MARF1: variants seen among roughly 807,000 people sequenced by gnomAD.
The protein encoded by MARF1 is meiosis regulator and mRNA stability factor 1.
MARF1 carries 24 observed loss-of-function variants against 168.2 expected under a neutral mutation model. That is an observed-to-expected ratio of 0.14 (90% CI 0.10 to 0.20). The LOEUF (loss-of-function observed/expected upper bound fraction) is 0.20, where lower values mean the gene tolerates loss of function less well. Among genes scored for constraint, MARF1 ranks in the 10% least tolerant of loss-of-function variants. The probability of loss-of-function intolerance (pLI) is 1.00; values close to 1 mark genes in which losing one functional copy is unlikely to be tolerated. For synonymous variants in MARF1, 868 were observed against 822.4 expected (o/e 1.06, Z -0.95); for missense variants, 1,744 against 2,143.6 (o/e 0.81, Z 3.68).
intron 21 of MARF1, 31 bp downstream of exon 21, chr16:15,608,260 G>GGAA: frequency 1.2e-6 from 1 of 829,562 alleles, no homozygotes; most frequent in Non-Finnish European, 1.8e-6. Context: ...TCCCATGAGG[G>GGAA]AAAAAAAAAA....
At chr16:15,606,128 G>T (rs996112145) in intron 21 of MARF1, 6 of 152,376 alleles carry the variant, frequency 3.9e-5, no homozygotes, top group African/African-American at 1.4e-4. Flanking sequence ...TGGAGCTGCT[G>T]TTGGGGTGGG....
At position 15,634,920 on chromosome 16, in the gene MARF1, A is replaced by G; in HGVS notation, c.843T>C (p.Asn281=). The part of the protein sequence containing the change: ...CEDCLNKPAR[N]SIIDAAKVWP... ...AGACTTTAGCCGCATCGATTATGCTATTTCTTGCTGGCTGTTTTAAATTTT... is the reference window on the plus strand; with the variant it reads ...AGACTTTAGCCGCATCGATTATGCTGTTTCTTGCTGGCTGTTTTAAATTTT... The change falls in exon 4 of 27, where the codon AAT becomes AAC. Residue 281 remains asparagine (N), a synonymous_variant. Coordinates refer to ENST00000396368, the MANE Select transcript of MARF1 (RefSeq NM_014647.4). 6.2e-7 allele frequency: 1 copy of G among 1,610,940 alleles called. No homozygotes were observed. Among genetic ancestry groups the G allele is most frequent in the Non-Finnish European group, 8.5e-7 (1 of 1,178,954 alleles).
intron 21 of MARF1, 31 bp downstream of exon 21, chr16:15,608,260 G>GAAAAAA (rs748965777): frequency 2.3e-5 from 19 of 832,230 alleles, no homozygotes; most frequent in South Asian, 5.1e-5. Context: ...TCCCATGAGG[G>GAAAAAA]AAAAAAAAAA....
intron 13 of MARF1, 69 bp from the exon 14 acceptor site, chr16:15,617,604 G>C: frequency 9.8e-7 from 1 of 1,020,366 alleles, no homozygotes; most frequent in South Asian, 1.5e-5. Flanking sequence ...CACGCATCCT[G>C]TTTAAATAAA....
chr16:15,626,247 G>A (rs1778871447), intron 7 of MARF1, among the ~76,000 whole-genome samples: 1 of 152,232 alleles, frequency 6.6e-6, no homozygotes, highest in African/African-American at 2.4e-5. Context: ...GTGCCTGGGA[G>A]TGGGGAAGGG....
At chr16:15,606,655 G>A (rs1337899383) in intron 21 of MARF1, among the ~76,000 whole-genome samples, 1 of 152,008 alleles carries the variant, frequency 6.6e-6, no homozygotes, top group Non-Finnish European at 1.5e-5. Flanking sequence ...CCTGCCCCCA[G>A]CCTATTGCCC....
At chr16:15,599,066 G>A (rs748625267) in intron 25 of MARF1, 42 bp from the exon 26 acceptor site, 50 of 1,581,078 alleles carry the variant, frequency 3.2e-5, no homozygotes, top group East Asian at 4.5e-5. Context: ...GGACCTCCAC[G>A]CCCACCCCCA....
chr16:15,602,145 G>C lies in MARF1; in HGVS notation c.4472C>G (p.Ala1491Gly). The part of the protein sequence containing the change: ...CVKLTSLYLF[A>G]KNVRSLLHTY... ...ATGAAGTAAAGACCGCACATTCTTT[G>C]CAAACAAATACAGACTTGTGAGCTT... The change falls in exon 23 of 27, where the codon GCA becomes GGA. Residue 1491 changes from alanine (A) to glycine (G), a missense_variant. By Grantham distance (60) the Ala-to-Gly change is moderately conservative. This residue lies in a region of MARF1 where 313 missense variants were observed against 337.4 expected (regional missense o/e 0.93). Coordinates refer to ENST00000396368, the MANE Select transcript of MARF1 (RefSeq NM_014647.4). The C allele has an allele frequency of 1.2e-6, 2 of 1,614,188 alleles. No individual in the cohort carries two copies. Among genetic ancestry groups the C allele is most frequent in the South Asian group, 2.2e-5 (2 of 91,086 alleles).
Position 15,617,098 on chromosome 16 carries a change from C to T in MARF1, c.3031G>A (p.Val1011Ile), listed in dbSNP as rs2034114969. ...ILSLKTFAPQ[V>I]HSLLQTHEGT... ...TCGTGGGTCTGGAGAAGACTGTGAA[C>T]CTGGGGCGCAAATGTCTTCAAAGAA... Residue 1011 changes from valine to isoleucine, a missense_variant, in exon 15 of 27, where the codon GTT becomes ATT. This residue lies in a region of MARF1 where 543 missense variants were observed against 742.1 expected (regional missense o/e 0.73). Transcript: ENST00000396368. The T allele has an allele frequency of 1.2e-6, 2 of 1,614,092 alleles. No individual in the cohort carries two copies. Among genetic ancestry groups the T allele is most frequent in the Admixed American group, 3.3e-5 (2 of 60,016 alleles).
At chr16:15,610,008 A>G (rs1160440565) in intron 19 of MARF1, among the ~76,000 whole-genome samples, 1 of 152,164 alleles carries the variant, frequency 6.6e-6, no homozygotes, top group African/African-American at 2.4e-5. Flanking sequence ...AGCTAGAAAC[A>G]ATTTTCTAGC....
intron 16 of MARF1, among the ~76,000 whole-genome samples, chr16:15,613,760 A>G (rs576142253): frequency 6.6e-6 from 1 of 152,124 alleles, no homozygotes; most frequent in Non-Finnish European, 1.5e-5. Flanking sequence ...GGAGTGGCAT[A>G]ATCTATGGCC....
In MARF1 at chr16:15,625,799, T is replaced by C. The variant is rs752576220; in HGVS notation, c.1526A>G (p.Gln509Arg). The part of the protein sequence containing the change: ...LPPRLPLKMP[Q>R]CHTLLYVYNL... ...ATAAACATAGAGCAGAGTGTGGCACTGCTAATACAGAGGAAAGAAGTGTTA... is the reference window on the plus strand; with the variant it reads ...ATAAACATAGAGCAGAGTGTGGCACCGCTAATACAGAGGAAAGAAGTGTTA... Residue 509 changes from glutamine (Q) to arginine (R), a missense_variant and splice_region_variant, in exon 8 of 27, where the codon CAG becomes CGG. Coordinates refer to ENST00000396368, the MANE Select transcript of MARF1 (RefSeq NM_014647.4). The C allele has an allele frequency of 4.7e-5, 75 of 1,609,698 alleles. 1 individual carries two copies. The highest frequency in any genetic ancestry group is 6.0e-5 in the Non-Finnish European group (71 of 1,177,394).
intron 1 of MARF1, 84 bp from the exon 2 acceptor site, chr16:15,639,375 A>G: frequency 3.4e-6 from 3 of 872,390 alleles, no homozygotes; most frequent in Non-Finnish European, 5.3e-6. Context: ...AACCACAGCT[A>G]TATTTACAGT....
chr16:15,613,153 T>C (rs1411516967), intron 16 of MARF1, among the ~76,000 whole-genome samples: 1 of 152,196 alleles, frequency 6.6e-6, no homozygotes, highest in East Asian at 1.9e-4. Context: ...CACAAAGTTA[T>C]AAATGGTCAT....
At chr16:15,601,186 C>T (rs772841199) in intron 23 of MARF1, 13 of 432,402 alleles carry the variant, frequency 3.0e-5, no homozygotes, top group Non-Finnish European at 5.6e-5. Flanking sequence ...GGCTCCCAGG[C>T]CCCCTACATG....
At chr16:15,618,788 A>G (rs1012087658) in intron 13 of MARF1, among the ~76,000 whole-genome samples, 2 of 152,140 alleles carry the variant, frequency 1.3e-5, no homozygotes, top group African/African-American at 2.4e-5. Flanking sequence ...AGACTATGTG[A>G]CCTCTCCACC....
intron 7 of MARF1, among the ~76,000 whole-genome samples, chr16:15,626,065 G>A (rs1567572958): frequency 6.6e-6 from 1 of 152,174 alleles, no homozygotes; most frequent in Non-Finnish European, 1.5e-5. Flanking sequence ...CAGGAAGATT[G>A]AGGCTGGAGT....
At chr16:15,629,378 G>C (rs908630232) in intron 7 of MARF1, among the ~76,000 whole-genome samples, 2 of 152,158 alleles carry the variant, frequency 1.3e-5, no homozygotes, top group Non-Finnish European at 2.9e-5. Context: ...CAGGGGGCTT[G>C]TTGGGTATCG....
At position 15,602,102 on chromosome 16, in the gene MARF1, C is replaced by T; in HGVS notation, c.4515G>A (p.Gln1505=). ...RSLLHTYHYQ[Q]IFLHEFSMAY... is the part of the protein sequence containing the mutation. ...CCATGGAAAACTCATGAAGGAAAAT[C>T]TGCTGGTAGTGGTAAGTATGAAGTA... The change falls in exon 23 of 27, where the codon CAG becomes CAA. Residue 1505 remains glutamine, a synonymous_variant. Transcript: ENST00000396368. 6.2e-7 allele frequency: 1 copy of T among 1,614,220 alleles called. No homozygotes were observed. Among genetic ancestry groups the T allele is most frequent in the Non-Finnish European group, 8.5e-7 (1 of 1,180,030 alleles).
Sources: gnomAD v4.1 joint callset for allele counts (sites outside exome capture counted in the v4.1 genomes callset) on GRCh38, gnomAD v4.1.1 for gene constraint, gnomAD v4.1.1 regional missense constraint, MANE v1.5 for transcripts, NCBI Gene and HGNC (gene_info 2026-07-23, HGNC 2026-07-21) for gene names.